KHDRBS3: variants seen among roughly 807,000 people sequenced by gnomAD.
The protein encoded by KHDRBS3 is KH RNA binding domain containing, signal transduction associated 3, also known as KH domain-containing, RNA-binding, signal transduction-associated protein 3.
In KHDRBS3, 23 loss-of-function variants were observed where a neutral mutation model predicts 45.6. The ratio of observed to expected loss-of-function variants is 0.50; its 90% confidence interval spans 0.36 to 0.72. The LOEUF is 0.72. Ranked by LOEUF, KHDRBS3 falls within the 30% of genes least tolerant of loss-of-function variation. The pLI is 0.00. For synonymous variants in KHDRBS3, 162 were observed against 156.5 expected, an observed-to-expected ratio of 1.04 and a Z score of -0.26; for missense variants, 352 against 424.8, an observed-to-expected ratio of 0.83 and a Z score of 1.51.
At chr8:135,579,723 A>G (rs756929473) in intron 5 of KHDRBS3, among the ~76,000 whole-genome samples, 1 of 152,220 alleles carries the variant, frequency 6.6e-6, no homozygotes, top group Middle Eastern at 3.4e-3. Context: ...TGCTCTATTT[A>G]TATGATCACA....
At chr8:135,586,460 A>G (rs1333873342) in intron 6 of KHDRBS3, among the ~76,000 whole-genome samples, 1 of 152,208 alleles carries the variant, frequency 6.6e-6, no homozygotes, top group Non-Finnish European at 1.5e-5. Context: ...ACTGAATTAA[A>G]TAACCTCTGT....
At chr8:135,488,754 A>G (rs369161259) in intron 1 of KHDRBS3, among the ~76,000 whole-genome samples, 8 of 152,234 alleles carry the variant, frequency 5.3e-5, no homozygotes, top group African/African-American at 1.9e-4. Flanking sequence ...GCAGCTACTA[A>G]ACAGCATCCA....
At chr8:135,494,299 G>GTTTT (rs1823313678) in intron 1 of KHDRBS3, among the ~76,000 whole-genome samples, 1 of 66,470 alleles carries the variant, frequency 1.5e-5, no homozygotes, top group African/African-American at 8.5e-5. Context: ...TTTTTTTTGA[G>GTTTT]ACAGAGTCTC....
chr8:135,484,383 G>A (rs1390574118), intron 1 of KHDRBS3, among the ~76,000 whole-genome samples: 1 of 152,162 alleles, frequency 6.6e-6, no homozygotes, highest in African/African-American at 2.4e-5. Flanking sequence ...GAAGACTTTG[G>A]CTGACCCACT....
At chr8:135,630,188 C>G (rs1333670920) in intron 7 of KHDRBS3, among the ~76,000 whole-genome samples, 1 of 152,182 alleles carries the variant, frequency 6.6e-6, no homozygotes, top group Admixed American at 6.5e-5. Flanking sequence ...CCTGTGCTTT[C>G]CTGAGGAAGG....
intron 8 of KHDRBS3, among the ~76,000 whole-genome samples, chr8:135,646,293 G>T (rs941249739): frequency 1.1e-4 from 16 of 152,096 alleles, no homozygotes; most frequent in Non-Finnish European, 2.4e-4. Context: ...GGCTGAACAG[G>T]TGTTTAATTT....
intron 2 of KHDRBS3, among the ~76,000 whole-genome samples, chr8:135,523,995 A>G (rs1825049120): frequency 6.6e-6 from 1 of 151,948 alleles, no homozygotes; most frequent in African/African-American, 2.4e-5. Flanking sequence ...GTTGCATCTT[A>G]TTTTAATGAG....
intron 4 of KHDRBS3, among the ~76,000 whole-genome samples, chr8:135,550,573 C>A (rs892688053): frequency 1.3e-5 from 2 of 152,046 alleles, no homozygotes; most frequent in Non-Finnish European, 2.9e-5. Context: ...AATTCTTTTT[C>A]ATTGATTTGT....
At chr8:135,609,123 A>C (rs960174130) in intron 7 of KHDRBS3, among the ~76,000 whole-genome samples, 1 of 152,156 alleles carries the variant, frequency 6.6e-6, no homozygotes, top group Non-Finnish European at 1.5e-5. Flanking sequence ...TTCTTTCTTC[A>C]ATAGTAAATT....
rs142346374 is a variant in KHDRBS3, at chr8:135,504,483, GTTTC to G, written c.89-16750_89-16747del. ...ATTTGTATGTAATACCTGTAATACA[GTTTC>G]TTTGTCAGAGGCATAATTAACAATA... On this transcript the variant is annotated intron_variant, in intron 1 of 8. Transcript: ENST00000355849. Among the ~76,000 whole-genome samples the G allele has an allele frequency of 7.7e-3, 1,165 of 152,280 alleles. 12 individuals carry two copies. The highest frequency in any genetic ancestry group is 0.026 in the African/African-American group (1,099 of 41,552).
chr8:135,584,775 CT>C (rs1828383653), intron 6 of KHDRBS3, among the ~76,000 whole-genome samples: 1 of 152,172 alleles, frequency 6.6e-6, no homozygotes, highest in African/African-American at 2.4e-5. Context: ...CAGTTTTCTA[CT>C]TCCAACTTTT....
intron 2 of KHDRBS3, among the ~76,000 whole-genome samples, chr8:135,526,258 C>A (rs1359892293): frequency 1.3e-5 from 2 of 151,576 alleles, no homozygotes; most frequent in Non-Finnish European, 2.9e-5. Flanking sequence ...GAAATAAAAT[C>A]TCAAATATTG....
At position 135,645,135 on chromosome 8, in the gene KHDRBS3, G is replaced by GC. The variant is rs753915396; in HGVS notation, c.949+19dup. ...TTCCTACGGTGAGTGACTGGCCAGA[G>GC]CATGTGAAGAGAGGGAGGAGAGATG... On this transcript the variant is annotated intron_variant, in intron 8 of 8. Transcript: ENST00000355849. 23 of 1,612,862 alleles carry GC rather than the reference G, an allele frequency of 1.4e-5. No homozygotes were observed. The highest frequency in any genetic ancestry group is 3.3e-4 in the Middle Eastern group (2 of 6,078).
At chr8:135,516,362 A>G (rs773395820) in intron 1 of KHDRBS3, among the ~76,000 whole-genome samples, 1 of 152,190 alleles carries the variant, frequency 6.6e-6, no homozygotes, top group Non-Finnish European at 1.5e-5. Flanking sequence ...GTTTGTTTAC[A>G]CTATCATTGC....
intron 1 of KHDRBS3, among the ~76,000 whole-genome samples, chr8:135,475,347 T>G (rs1822221997): frequency 1.3e-5 from 2 of 151,900 alleles, no homozygotes; most frequent in Non-Finnish European, 2.9e-5. Context: ...GTTTCGCTCT[T>G]TTGCCCAGGC....
Position 135,509,974 on chromosome 8 carries a change from C to CTT in KHDRBS3, c.89-11246_89-11245dup, listed in dbSNP as rs1237666093. 3.8e-3 allele frequency among the ~76,000 whole-genome samples: 466 copies of CTT among 122,928 alleles called. 8 individuals are homozygous for CTT. The highest frequency in any genetic ancestry group is 0.014 in the African/African-American group (420 of 29,766). The allele number at this position is 122,928 out of a possible 152,430, so 80.6% of individuals were successfully genotyped here. A position where few individuals can be genotyped will look rare whatever the true frequency, so the allele number is the denominator to read the frequency against. ...ACATTGAAATTTTCTTTCCCCCCCC[C>CTT]TTTTTTTTTTTTTTTTTTGCTTAAA... is the stretch of plus-strand genomic sequence containing the variant. On this transcript the variant is annotated intron_variant, in intron 1 of 8. Coordinates refer to ENST00000355849, the MANE Select transcript of KHDRBS3 (RefSeq NM_006558.3).
At chr8:135,536,502 T>G (rs1476878701) in intron 2 of KHDRBS3, among the ~76,000 whole-genome samples, 2 of 152,114 alleles carry the variant, frequency 1.3e-5, no homozygotes, top group African/African-American at 2.4e-5. Context: ...ATCGTTGTAT[T>G]TTAAGCAGAG....
intron 7 of KHDRBS3, among the ~76,000 whole-genome samples, chr8:135,615,585 A>C (rs1018395778): frequency 1.3e-5 from 2 of 152,188 alleles, no homozygotes; most frequent in Admixed American, 1.3e-4. Context: ...ATGTGATTTC[A>C]GATGCTACAT....
chr8:135,557,594 G>A lies in KHDRBS3; in HGVS notation c.611+7G>A. On this transcript the variant is annotated splice_region_variant and intron_variant, in intron 5 of 8. Transcript: ENST00000355849. ...CAGCCCCAGCAATAACCAGGTAGGT[G>A]TAAATTTTTTTTTAGGTTAACATAC... The A allele has an allele frequency of 1.2e-6, 2 of 1,607,470 alleles. No individual in the cohort carries two copies. Among genetic ancestry groups the A allele is most frequent in the African/African-American group, 1.3e-5 (1 of 74,612 alleles).
Sources: gnomAD v4.1 joint callset for allele counts (sites outside exome capture counted in the v4.1 genomes callset) on GRCh38, gnomAD v4.1.1 for gene constraint, MANE v1.5 for transcripts, NCBI Gene and HGNC (gene_info 2026-07-23, HGNC 2026-07-21) for gene names.